Variants in COL4A3 observed in about 807,000 individuals in gnomAD.
The protein encoded by COL4A3 is collagen alpha-3(IV) chain.
A neutral mutation model predicts 217.4 loss-of-function variants in COL4A3; 135 were observed. That is an observed-to-expected ratio of 0.62 (90% CI 0.54 to 0.72). The LOEUF is 0.72. COL4A3 is among the 30% of genes least tolerant of loss of function. COL4A3 has a pLI of 0.00. For synonymous variants in COL4A3, 690 were observed against 736.3 expected (o/e 0.94, Z 1.02); for missense variants, 1,868 against 2,119.9 (o/e 0.88, Z 2.33).
chr2:227,309,205 T>G lies in COL4A3; in HGVS notation c.4642T>G (p.Cys1548Gly), dbSNP rs781021007. The change falls in exon 50 of 52, where the codon TGC (cysteine) becomes GGC (glycine). Residue 1548 changes from cysteine (C) to glycine (G), a missense_variant and splice_region_variant. Transcript: ENST00000396578. ...GRALEPYISR[C>G]TVCEGPAIAI... Reference sequence around the variant, plus strand: ...CATAGTCTTTGTTTCATGTTACAGATGCACTGTTTGTGAAGGTCCTGCGAT... The same window carrying G: ...CATAGTCTTTGTTTCATGTTACAGAGGCACTGTTTGTGAAGGTCCTGCGAT... 1.9e-6 allele frequency: 3 copies of G among 1,614,160 alleles called. No homozygotes were observed. The African/African-American group carries it at 4.0e-5, about 22-fold the overall frequency.
chr2:227,245,771 C>CA (rs1330509497), intron 5 of COL4A3, 183 bp from the exon 6 acceptor site: 1 of 667,236 alleles, frequency 1.5e-6, no homozygotes, highest in Non-Finnish European at 2.8e-6. Context: ...GTCTTCATAT[C>CA]AGTCAGCCTG....
chr2:227,254,309 G>A, intron 14 of COL4A3, 135 bp downstream of exon 14: 1 of 768,542 alleles, frequency 1.3e-6, no homozygotes, highest in Non-Finnish European at 2.2e-6. Context: ...TACTCCACAG[G>A]CAGAGCAGCT....
intron 46 of COL4A3, 155 bp downstream of exon 46, chr2:227,304,299 T>G: frequency 1.1e-6 from 1 of 922,946 alleles, no homozygotes; most frequent in South Asian, 1.5e-5. Flanking sequence ...CATTTTACCC[T>G]TGACCAGCAA....
At chr2:227,183,413 A>G (rs1472611778) in intron 1 of COL4A3, among the ~76,000 whole-genome samples, 1 of 152,234 alleles carries the variant, frequency 6.6e-6, no homozygotes, top group Non-Finnish European at 1.5e-5. Flanking sequence ...TAAAAGTCCC[A>G]AGGAGCAGTG....
rs751236477 is a variant in COL4A3, at chr2:227,254,107, G to A, written c.766-5G>A. On this transcript the variant is annotated splice_region_variant and splice_polypyrimidine_tract_variant and intron_variant, in intron 13 of 51. Coordinates refer to ENST00000396578, the MANE Select transcript of COL4A3 (RefSeq NM_000091.5). ...TGTAACAATGTTGAACTGTTTCTTT[G>A]GCAGGACCTCAAGGGGGAAAAGGGA... 34 of 1,613,432 alleles carry A rather than the reference G, an allele frequency of 2.1e-5. No individual in the cohort carries two copies. The Admixed American group carries it at 5.3e-4, about 25-fold the overall frequency.
chr2:227,272,319 G>A (rs560570722), intron 25 of COL4A3, among the ~76,000 whole-genome samples: 2 of 152,250 alleles, frequency 1.3e-5, no homozygotes, highest in South Asian at 2.1e-4. Flanking sequence ...CTTACACCCT[G>A]TCATTAAAAA....
intron 22 of COL4A3, 76 bp downstream of exon 22, chr2:227,266,585 G>T: frequency 8.9e-7 from 1 of 1,119,880 alleles, no homozygotes; most frequent in Non-Finnish European, 1.3e-6. Flanking sequence ...TTCCCCCTGA[G>T]ATAACAATGA....
Position 227,270,758 on chromosome 2 carries a change from G to A in COL4A3, c.1576-12G>A, listed in dbSNP as rs762474168. 8 of 1,612,532 alleles carry A rather than the reference G, an allele frequency of 5.0e-6. No individual in the cohort carries two copies. The highest frequency in any genetic ancestry group is 3.3e-4 in the Middle Eastern group (2 of 6,072). ...CAAAATACAATACAGATTCATTTGT[G>A]TACTACCCTAGGGTTTCCCAGGTGC... is the stretch of plus-strand genomic sequence containing the variant. On this transcript the variant is annotated splice_polypyrimidine_tract_variant and intron_variant, in intron 24 of 51. Transcript: ENST00000396578.
chr2:227,196,169 T>C (rs1186120091), intron 1 of COL4A3, among the ~76,000 whole-genome samples: 13 of 152,144 alleles, frequency 8.5e-5, no homozygotes, highest in Non-Finnish European at 1.9e-4. Flanking sequence ...GTAGCCTAAA[T>C]GTACAGTGTA....
In COL4A3 at chr2:227,302,677, C is replaced by CAAAAAAAAAAAAAAAAAAAAAA. The variant is rs56065709; in HGVS notation, c.3883-353_3883-332dup. Among the ~76,000 whole-genome samples the CAAAAAAAAAAAAAAAAAAAAAA allele has an allele frequency of 1.4e-3, 110 of 79,886 alleles. 14 individuals carry two copies. The highest frequency in any genetic ancestry group is 1.6e-3 in the Non-Finnish European group (73 of 45,754). The allele number at this position is 79,886 out of a possible 152,430, so 52.4% of individuals were successfully genotyped here. On this transcript the variant is annotated intron_variant, in intron 43 of 51. Coordinates refer to ENST00000396578, the MANE Select transcript of COL4A3 (RefSeq NM_000091.5). ...GGAGGACAAAACGAGACTCTTTCTC[C>CAAAAAAAAAAAAAAAAAAAAAA]AAAAAAAAAAAAAAAAAAAAAAAAA...
chr2:227,180,268 G>C (rs929543736), intron 1 of COL4A3, among the ~76,000 whole-genome samples: 4 of 152,202 alleles, frequency 2.6e-5, no homozygotes, highest in Non-Finnish European at 5.9e-5. Flanking sequence ...TATGAGATGA[G>C]GTTCCAACTG....
At chr2:227,231,019 T>G (rs2068374089) in intron 1 of COL4A3, among the ~76,000 whole-genome samples, 1 of 152,172 alleles carries the variant, frequency 6.6e-6, no homozygotes, top group African/African-American at 2.4e-5. Context: ...CCTTGCCAAT[T>G]TAACTGAGAA....
chr2:227,310,228 T>C (rs1459852482), intron 50 of COL4A3, among the ~76,000 whole-genome samples: 2 of 152,212 alleles, frequency 1.3e-5, no homozygotes, highest in East Asian at 3.8e-4. Flanking sequence ...TGTGTGACTG[T>C]GATGACTGTC....
chr2:227,257,664 A>G lies in COL4A3; in HGVS notation c.1029+20A>G, dbSNP rs1180622199. On this transcript the variant is annotated intron_variant, in intron 18 of 51. Coordinates refer to ENST00000396578, the MANE Select transcript of COL4A3 (RefSeq NM_000091.5). Reference sequence around the variant, plus strand: ...GGTCCAGTAAGTGTGATTAAAGACAATATCAATGCTATGTTTGATCAAGTT... The same window carrying G: ...GGTCCAGTAAGTGTGATTAAAGACAGTATCAATGCTATGTTTGATCAAGTT... 3.7e-6 allele frequency: 6 copies of G among 1,608,528 alleles called. No homozygotes were observed. Among genetic ancestry groups the G allele is most frequent in the Non-Finnish European group, 5.1e-6 (6 of 1,174,906 alleles).
Position 227,254,165 on chromosome 2 carries a change from T to C in COL4A3, c.819T>C (p.Pro273=), listed in dbSNP as rs2069990199. Residue 273 remains proline (P), a synonymous_variant, in exon 14 of 52, where the codon CCT becomes CCC. Coordinates refer to ENST00000396578, the MANE Select transcript of COL4A3 (RefSeq NM_000091.5). ...GAGCAATGGGCGAGCCTGGACCTCC[T>C]GGACCCTCAGTAGGTTATTTAAAGT... The part of the protein sequence containing the change: ...DKGAMGEPGP[P]GPSGLPGESY... 1.2e-6 allele frequency: 2 copies of C among 1,613,818 alleles called. No individual in the cohort carries two copies. The highest frequency in any genetic ancestry group is 8.5e-7 in the Non-Finnish European group (1 of 1,179,810).
At chr2:227,304,374 G>A in intron 46 of COL4A3, 1 of 548,972 alleles carries the variant, frequency 1.8e-6, no homozygotes, top group Non-Finnish European at 3.2e-6. Flanking sequence ...ATACACTTTA[G>A]GGCAGCATGT....
At chr2:227,291,574 A>C (rs1454686243) in intron 37 of COL4A3, among the ~76,000 whole-genome samples, 11 of 50,830 alleles carry the variant, frequency 2.2e-4, no homozygotes, top group African/African-American at 9.8e-4. Context: ...AAAAAAAAAA[A>C]AAAAACAAAA....
At chr2:227,272,921 C>T (rs527730604) in intron 25 of COL4A3, 28 bp from the exon 26 acceptor site, 32 of 1,612,268 alleles carry the variant, frequency 2.0e-5, no homozygotes, top group Admixed American at 1.0e-4. Context: ...GAATGAAGCA[C>T]GATTCAAACA....
At chr2:227,246,361 T>C in intron 6 of COL4A3, 1 of 501,346 alleles carries the variant, frequency 2.0e-6, no homozygotes. Context: ...CTCCTTTTGT[T>C]TTCGAACTGA....
Sources: gnomAD v4.1 joint callset for allele counts (sites outside exome capture counted in the v4.1 genomes callset) on GRCh38, gnomAD v4.1.1 for gene constraint, MANE v1.5 for transcripts, NCBI Gene and HGNC (gene_info 2026-07-23, HGNC 2026-07-21) for gene names.